Variants in UGT1A10 observed in about 807,000 individuals in gnomAD.
UGT1A10 encodes the protein UDP-glucuronosyltransferase 1A10.
A neutral mutation model predicts 45.8 loss-of-function variants in UGT1A10; 49 were observed. That is an observed-to-expected ratio of 1.07 (90% confidence interval 0.85 to 1.36). The LOEUF is 1.36. UGT1A10 is among the 40% of genes most tolerant of loss of function. The pLI is 0.00. For synonymous variants in UGT1A10, 284 were observed against 249.7 expected, an observed-to-expected ratio of 1.14 and a Z score of -1.29; for missense variants, 745 against 668.6, an observed-to-expected ratio of 1.11 and a Z score of -1.26.
chr2:233,732,689 A>G (rs539580267), intron 1 of UGT1A10, among the ~76,000 whole-genome samples: 1 of 150,444 alleles, frequency 6.6e-6, no homozygotes, highest in African/African-American at 2.4e-5. Context: ...ACCAGCACCC[A>G]TGCTGTTTTG....
chr2:233,694,505 T>C (rs2076734533), intron 1 of UGT1A10, among the ~76,000 whole-genome samples: 1 of 152,180 alleles, frequency 6.6e-6, no homozygotes, highest in African/African-American at 2.4e-5. Flanking sequence ...ACAGATGCCC[T>C]CCTGACATGT....
intron 1 of UGT1A10, among the ~76,000 whole-genome samples, chr2:233,678,490 C>A (rs1006573343): frequency 1.4e-4 from 22 of 151,864 alleles, no homozygotes; most frequent in African/African-American, 2.4e-4. Flanking sequence ...CTTGGTGTAA[C>A]CTTATGGAAA....
intron 1 of UGT1A10, among the ~76,000 whole-genome samples, chr2:233,741,312 A>G (rs536876139): frequency 2.0e-5 from 3 of 151,548 alleles, no homozygotes; most frequent in African/African-American, 4.9e-5. Context: ...ATACACACCA[A>G]CTCATTCTAC....
intron 1 of UGT1A10, among the ~76,000 whole-genome samples, chr2:233,711,346 C>T (rs967484863): frequency 5.3e-5 from 8 of 152,344 alleles, no homozygotes; most frequent in Admixed American, 2.0e-4. Context: ...GGAGATAGAA[C>T]AGGGGAGCCC....
At chr2:233,689,112 ACCACAAC>A (rs1381460618) in intron 1 of UGT1A10, among the ~76,000 whole-genome samples, 1 of 152,200 alleles carries the variant, frequency 6.6e-6, no homozygotes, top group Non-Finnish European at 1.5e-5. Flanking sequence ...TGCTCCTGGA[ACCACAAC>A]CCACATTGTT....
intron 1 of UGT1A10, chr2:233,648,768 T>C (rs28444828): frequency 0.75 from 556,353 of 746,610 alleles, 209,333 homozygotes; most frequent in Middle Eastern, 0.79. Context: ...CCAGCCTGGA[T>C]GCCATGACTT....
At chr2:233,678,158 G>A (rs1020581843) in intron 1 of UGT1A10, among the ~76,000 whole-genome samples, 9 of 152,154 alleles carry the variant, frequency 5.9e-5, no homozygotes, top group African/African-American at 2.2e-4. Context: ...AGACACTATG[G>A]ACTCCTAAAA....
At chr2:233,697,794 A>G (rs1220418107) in intron 1 of UGT1A10, among the ~76,000 whole-genome samples, 2 of 152,112 alleles carry the variant, frequency 1.3e-5, no homozygotes, top group Non-Finnish European at 2.9e-5. Flanking sequence ...CGTTTCAAGT[A>G]ATTTTTAAAT....
intron 1 of UGT1A10, among the ~76,000 whole-genome samples, chr2:233,679,330 A>G (rs1187073119): frequency 4.6e-5 from 7 of 152,166 alleles, no homozygotes; most frequent in Non-Finnish European, 8.8e-5. Context: ...ACGCGTTCTT[A>G]TTGTTGAGTC....
chr2:233,726,029 G>A (rs1318137671), intron 1 of UGT1A10, among the ~76,000 whole-genome samples: 1 of 152,112 alleles, frequency 6.6e-6, no homozygotes, highest in Non-Finnish European at 1.5e-5. Flanking sequence ...ATCCAGGTGT[G>A]ATGGCGCACA....
At chr2:233,763,407 T>C (rs888338345) in intron 1 of UGT1A10, among the ~76,000 whole-genome samples, 1 of 152,240 alleles carries the variant, frequency 6.6e-6, no homozygotes, top group African/African-American at 2.4e-5. Flanking sequence ...GCACTGGTAT[T>C]TTTAATCCAG....
chr2:233,756,501 T>C (rs1696241019), intron 1 of UGT1A10: 1 of 152,186 alleles, frequency 6.6e-6, no homozygotes, highest in Non-Finnish European at 1.5e-5. Flanking sequence ...CCCAAGTATA[T>C]GGAGGGTCAA....
At chr2:233,650,473 A>G (rs1294948501) in intron 1 of UGT1A10, among the ~76,000 whole-genome samples, 2 of 152,222 alleles carry the variant, frequency 1.3e-5, no homozygotes, top group Admixed American at 1.3e-4. Flanking sequence ...TTCTTCAGTT[A>G]GAGCATGAGC....
intron 1 of UGT1A10, among the ~76,000 whole-genome samples, chr2:233,694,919 C>T (rs993608682): frequency 2.0e-5 from 3 of 152,252 alleles, no homozygotes; most frequent in South Asian, 2.1e-4. Flanking sequence ...ATACAATGTG[C>T]GATGATCAAA....
At chr2:233,731,806 G>A (rs142975775) in intron 1 of UGT1A10, among the ~76,000 whole-genome samples, 5,114 of 152,192 alleles carry the variant, frequency 0.034, 99 homozygotes, top group African/African-American at 0.051. Context: ...ACCCAGTAAT[G>A]GTATGGCTGT....
At chr2:233,694,301 T>C (rs1426989615) in intron 1 of UGT1A10, among the ~76,000 whole-genome samples, 1 of 151,106 alleles carries the variant, frequency 6.6e-6, no homozygotes, top group East Asian at 1.9e-4. Context: ...AGGCCTGTTT[T>C]TTGTTTTTTT....
At position 233,767,022 on chromosome 2, in the gene UGT1A10, T is replaced by G. The variant is rs1433529256; in HGVS notation, c.856-12T>G. 2.5e-6 allele frequency: 4 copies of G among 1,613,876 alleles called. No homozygotes were observed. The African/African-American group carries it at 5.3e-5, about 22-fold the overall frequency. On this transcript the variant is annotated splice_polypyrimidine_tract_variant and intron_variant, in intron 1 of 4. Coordinates refer to ENST00000344644, the MANE Select transcript of UGT1A10 (RefSeq NM_019075.4). Reference sequence around the variant, plus strand: ...AGAAAAAATTAACTGAAAATTTTTCTTCTGGCTCTAGGAATTTGAAGCCTA... The same window carrying G: ...AGAAAAAATTAACTGAAAATTTTTCGTCTGGCTCTAGGAATTTGAAGCCTA...
chr2:233,727,384 C>A (rs1032238584), intron 1 of UGT1A10, among the ~76,000 whole-genome samples: 2 of 152,144 alleles, frequency 1.3e-5, no homozygotes, highest in African/African-American at 4.8e-5. Context: ...TGGAGTACCA[C>A]CGTCTTCCAA....
intron 1 of UGT1A10, chr2:233,721,603 G>A: frequency 5.7e-6 from 1 of 176,650 alleles, no homozygotes; most frequent in Non-Finnish European, 1.2e-5. Context: ...TCAGGTTTAG[G>A]AACAATTTGT....
Sources: allele counts gnomAD v4.1 joint callset (sites outside exome capture counted in the v4.1 genomes callset), GRCh38; gene constraint gnomAD v4.1.1; transcripts MANE v1.5; gene names NCBI Gene and HGNC (gene_info 2026-07-23, HGNC 2026-07-21).